The following CPQ variants were observed in gnomAD, a reference collection of about 807,000 sequenced individuals.
The protein encoded by CPQ is carboxypeptidase Q, also known as Ser-Met dipeptidase.
In CPQ, 37 loss-of-function variants were observed where a neutral mutation model predicts 45.7. The ratio of observed to expected loss-of-function variants is 0.81; its 90% confidence interval spans 0.62 to 1.07. CPQ has a LOEUF of 1.07. Among genes scored for constraint, CPQ ranks in the 50% least tolerant of loss-of-function variants. CPQ has a pLI of 0.00. For missense variants in CPQ, 537 were observed against 572.9 expected (o/e 0.94, Z 0.64); for synonymous variants, 186 against 205.8 (o/e 0.90, Z 0.82).
At chr8:96,925,168 A>C (rs985886844) in intron 4 of CPQ, among the ~76,000 whole-genome samples, 4 of 152,214 alleles carry the variant, frequency 2.6e-5, no homozygotes, top group Non-Finnish European at 5.9e-5. Flanking sequence ...AAAGAATGCA[A>C]GAATGCCTCT....
At chr8:96,789,580 A>G (rs1810820029) in intron 2 of CPQ, among the ~76,000 whole-genome samples, 1 of 152,090 alleles carries the variant, frequency 6.6e-6, no homozygotes, top group Non-Finnish European at 1.5e-5. Flanking sequence ...GGAGTCTGTT[A>G]TTACAACTTA....
At chr8:96,669,237 C>T (rs1257551892) in intron 1 of CPQ, among the ~76,000 whole-genome samples, 2 of 152,228 alleles carry the variant, frequency 1.3e-5, no homozygotes. Flanking sequence ...CTCCCTTGCC[C>T]TGCTGGCATG....
At chr8:97,126,345 A>G (rs545092671) in intron 7 of CPQ, among the ~76,000 whole-genome samples, 1 of 152,336 alleles carries the variant, frequency 6.6e-6, no homozygotes, top group South Asian at 2.1e-4. Flanking sequence ...AGTAAGTTTT[A>G]TGCAAAGTCT....
chr8:96,782,084 G>A (rs1810694300), intron 1 of CPQ, among the ~76,000 whole-genome samples: 1 of 152,162 alleles, frequency 6.6e-6, no homozygotes, highest in Non-Finnish European at 1.5e-5. Context: ...TTGTGTGCTG[G>A]TATCTACAGT....
At chr8:96,795,848 G>A (rs1563499095) in intron 2 of CPQ, among the ~76,000 whole-genome samples, 1 of 152,020 alleles carries the variant, frequency 6.6e-6, no homozygotes, top group Non-Finnish European at 1.5e-5. Context: ...ATTCTAGGAA[G>A]TTGTAGGAGA....
chr8:97,045,911 C>T (rs1402938611), intron 6 of CPQ, among the ~76,000 whole-genome samples: 1 of 152,206 alleles, frequency 6.6e-6, no homozygotes, highest in Non-Finnish European at 1.5e-5. Context: ...CCACTTTGTA[C>T]TTTGAGACGC....
chr8:96,937,892 T>C (rs1458677936), intron 4 of CPQ, among the ~76,000 whole-genome samples: 1 of 152,236 alleles, frequency 6.6e-6, no homozygotes, highest in Non-Finnish European at 1.5e-5. Context: ...AGTCGGGCAC[T>C]GTGCTAGGCA....
intron 4 of CPQ, among the ~76,000 whole-genome samples, chr8:96,931,111 C>A (rs181142467): frequency 6.6e-5 from 10 of 152,170 alleles, no homozygotes; most frequent in African/African-American, 2.4e-4. Flanking sequence ...CCTTCTTCCC[C>A]GTAAGGGACA....
chr8:96,790,957 G>C (rs541670144), intron 2 of CPQ, among the ~76,000 whole-genome samples: 1 of 152,226 alleles, frequency 6.6e-6, no homozygotes, highest in East Asian at 1.9e-4. Flanking sequence ...AATTCTCCAA[G>C]GTATTAGGGA....
At chr8:97,076,810 C>CA (rs1359532644) in intron 7 of CPQ, among the ~76,000 whole-genome samples, 1 of 152,050 alleles carries the variant, frequency 6.6e-6, no homozygotes, top group Non-Finnish European at 1.5e-5. Context: ...AGCCTAGATA[C>CA]ATTTGAAGTT....
chr8:97,038,845 A>C (rs903540116), intron 6 of CPQ, among the ~76,000 whole-genome samples: 1 of 151,482 alleles, frequency 6.6e-6, no homozygotes, highest in African/African-American at 2.4e-5. Context: ...AAAAAAAAAA[A>C]AAAAGAATAA....
intron 1 of CPQ, among the ~76,000 whole-genome samples, chr8:96,648,209 AAG>A (rs139035912): frequency 0.013 from 1,980 of 152,336 alleles, 44 homozygotes; most frequent in African/African-American, 0.044. Context: ...CTGAAAAACT[AAG>A]AGCTGATGCC....
chr8:96,744,278 G>A (rs1258675037), intron 1 of CPQ, among the ~76,000 whole-genome samples: 2 of 152,232 alleles, frequency 1.3e-5, no homozygotes, highest in South Asian at 2.1e-4. Flanking sequence ...ACTAGGAAAG[G>A]GAACTCCCTG....
intron 4 of CPQ, among the ~76,000 whole-genome samples, chr8:96,923,230 T>A (rs1000116635): frequency 1.3e-5 from 2 of 152,154 alleles, no homozygotes; most frequent in Non-Finnish European, 2.9e-5. Flanking sequence ...AAAAGGAGTA[T>A]AAAGAAGCAG....
chr8:96,729,122 C>T (rs1809878491), intron 1 of CPQ, among the ~76,000 whole-genome samples: 2 of 152,278 alleles, frequency 1.3e-5, no homozygotes, highest in South Asian at 2.1e-4. Flanking sequence ...CCAATGGGAA[C>T]TATAGTGACA....
intron 5 of CPQ, among the ~76,000 whole-genome samples, chr8:96,978,755 TA>T (rs1813832034): frequency 1.3e-5 from 2 of 152,194 alleles, no homozygotes; most frequent in Admixed American, 1.3e-4. Flanking sequence ...TTACTAATGG[TA>T]TCCTTAGTGC....
intron 5 of CPQ, among the ~76,000 whole-genome samples, chr8:97,023,481 A>C: frequency 6.6e-6 from 1 of 152,204 alleles, no homozygotes; most frequent in East Asian, 1.9e-4. Flanking sequence ...TGGAAATAAA[A>C]AAATAAAAAA....
chr8:96,928,516 A>G (rs1216363094), intron 4 of CPQ, among the ~76,000 whole-genome samples: 1 of 151,960 alleles, frequency 6.6e-6, no homozygotes, highest in South Asian at 2.1e-4. Context: ...TGGGCGAAAC[A>G]TGTTTATCAG....
At chr8:96,702,302 G>T (rs1809472599) in intron 1 of CPQ, among the ~76,000 whole-genome samples, 1 of 152,052 alleles carries the variant, frequency 6.6e-6, no homozygotes, top group African/African-American at 2.4e-5. Flanking sequence ...TGAAGGAGGG[G>T]GATCTTCCAA....
Sources: allele counts gnomAD v4.1 joint callset (sites outside exome capture counted in the v4.1 genomes callset), GRCh38; gene constraint gnomAD v4.1.1; transcripts MANE v1.5; gene names NCBI Gene and HGNC (gene_info 2026-07-23, HGNC 2026-07-21).